The following KRT86 variants were observed in gnomAD, a reference collection of about 807,000 sequenced individuals.
KRT86 encodes keratin 86.
KRT86 carries 30 observed loss-of-function variants against 41.2 expected under a neutral mutation model. That is an observed-to-expected ratio of 0.73 (90% CI 0.54 to 0.99). The LOEUF is 0.99. KRT86 is among the 50% of genes least tolerant of loss of function. The pLI, the probability that KRT86 is intolerant of heterozygous loss-of-function variation, is 0.00. For synonymous variants in KRT86, 238 were observed against 238.1 expected, an observed-to-expected ratio of 1.00 and a Z score of 0.00; for missense variants, 561 against 571.4, an observed-to-expected ratio of 0.98 and a Z score of 0.19.
At position 52,302,841 on chromosome 12, in the gene KRT86, TG is replaced by T. The variant is rs71092757; in HGVS notation, c.370-249del. On this transcript the variant is annotated intron_variant, in intron 3 of 10. Coordinates refer to ENST00000423955, the MANE Select transcript of KRT86 (RefSeq NM_001320198.2). ...TCTGTTCATCTGCTTGGGTGGGGGG[TG>T]GGGGGGGGGTCACTCAACTCCCCAG... Among the ~76,000 whole-genome samples, 8,523 of 126,448 alleles carry T rather than the reference TG, an allele frequency of 0.067. 201 individuals carry two copies. The highest frequency in any genetic ancestry group is 0.31 in the East Asian group (1,273 of 4,084). 83.0% of individuals were successfully genotyped at this position (126,448 alleles called of 152,430 possible). A position where few individuals can be genotyped will look rare whatever the true frequency, so the allele number is the denominator to read the frequency against.
chr12:52,279,736 G>A (rs1020225309), intron 2 of KRT86, among the ~76,000 whole-genome samples: 1 of 152,130 alleles, frequency 6.6e-6, no homozygotes, highest in African/African-American at 2.4e-5. Flanking sequence ...TGGGGAGCCC[G>A]GAGTCCATGG....
At chr12:52,294,189 C>G (rs1298703737) in intron 2 of KRT86, among the ~76,000 whole-genome samples, 1 of 152,152 alleles carries the variant, frequency 6.6e-6, no homozygotes, top group Non-Finnish European at 1.5e-5. Context: ...AGTGATGTCC[C>G]CAGTAAACCA....
chr12:52,278,684 A>AG (rs1470792894), intron 2 of KRT86, among the ~76,000 whole-genome samples: 5 of 152,134 alleles, frequency 3.3e-5, no homozygotes, highest in African/African-American at 1.2e-4. Context: ...AAGGAGCATC[A>AG]GTAAGTAAAC....
intron 2 of KRT86, among the ~76,000 whole-genome samples, chr12:52,293,737 T>C (rs1257462292): frequency 6.6e-6 from 1 of 152,190 alleles, no homozygotes; most frequent in Non-Finnish European, 1.5e-5. Flanking sequence ...ATGTTCTACT[T>C]ACCCAGTGAA....
At chr12:52,306,961 A>G (rs1195687870) in intron 9 of KRT86, 2 of 155,032 alleles carry the variant, frequency 1.3e-5, no homozygotes, top group Non-Finnish European at 2.9e-5. Flanking sequence ...TCCTGCTCCC[A>G]GAAGGACAAC....
In KRT86 at chr12:52,286,473, C is replaced by T. The variant is rs772939014; in HGVS notation, c.-5+10527C>T. 33 of 1,552,310 alleles carry T rather than the reference C, an allele frequency of 2.1e-5. No individual in the cohort carries two copies. Among genetic ancestry groups the T allele is most frequent in the Non-Finnish European group, 2.3e-5 (26 of 1,147,784 alleles). The stretch of plus-strand genomic sequence containing the variant: ...ACGCAGAGGTCCCCGCACACGACCC[C>T]GCCCCGGGAGCTGCTGACACCTGTG... On this transcript the variant is annotated intron_variant, in intron 2 of 10. Transcript: ENST00000423955.
At chr12:52,275,563 T>A (rs1288276475) in intron 1 of KRT86, among the ~76,000 whole-genome samples, 1 of 152,242 alleles carries the variant, frequency 6.6e-6, no homozygotes, top group East Asian at 1.9e-4. Flanking sequence ...CCTCAACAGA[T>A]CACTGCCCTG....
chr12:52,279,953 T>G (rs1592415632), intron 2 of KRT86, among the ~76,000 whole-genome samples: 1 of 151,712 alleles, frequency 6.6e-6, no homozygotes, highest in East Asian at 1.9e-4. Context: ...GGTAGGGAGG[T>G]GGGCCATAGA....
chr12:52,299,250 T>C (rs900580272), intron 2 of KRT86, among the ~76,000 whole-genome samples: 29 of 152,348 alleles, frequency 1.9e-4, no homozygotes, highest in African/African-American at 7.0e-4. Context: ...GTCCTCCAGT[T>C]CCATCCATGT....
At chr12:52,291,542 C>G in intron 2 of KRT86, 1 of 1,577,024 alleles carries the variant, frequency 6.3e-7, no homozygotes, top group Non-Finnish European at 8.6e-7. Context: ...ATGTGCTCCT[C>G]AGGGCACCGC....
intron 2 of KRT86, among the ~76,000 whole-genome samples, chr12:52,296,443 C>T (rs1938253282): frequency 6.6e-6 from 1 of 152,136 alleles, no homozygotes; most frequent in African/African-American, 2.4e-5. Context: ...TGAACCCTCA[C>T]AGGGCAGGGA....
intron 2 of KRT86, chr12:52,285,871 C>T (rs187344718): frequency 1.2e-4 from 37 of 296,942 alleles, no homozygotes; most frequent in African/African-American, 7.1e-4. Flanking sequence ...TCCCTAACCC[C>T]GACCCCTGAG....
chr12:52,308,711 C>T lies in KRT86; in HGVS notation c.*126C>T. 1 of 905,922 alleles carries T rather than the reference C, an allele frequency of 1.1e-6. No homozygotes were observed. Among genetic ancestry groups the T allele is most frequent in the South Asian group, 1.6e-5 (1 of 62,510 alleles). The allele number at this position is 905,922 out of a possible 1,614,324, so 56.1% of individuals were successfully genotyped here. A position where few individuals can be genotyped will look rare whatever the true frequency, so the allele number is the denominator to read the frequency against. On this transcript the variant is annotated 3_prime_UTR_variant, in exon 11 of 11. Transcript: ENST00000423955. Reference sequence around the variant, plus strand: ...CCGCCCGCTGCCTGCACTCTAAGCGCCCTCCCCACCGCTCCGCTCCGGGAG... The same window carrying T: ...CCGCCCGCTGCCTGCACTCTAAGCGTCCTCCCCACCGCTCCGCTCCGGGAG...
At position 52,308,858 on chromosome 12, in the gene KRT86, T is replaced by TTC; in HGVS notation, c.*274_*275insCT. ...TCTTTTTCTTCCGCCTGCCTTCTGTTTTTTTTGCTGTATACATTGGTCTTG... is the reference window on the plus strand; with the variant it reads ...TCTTTTTCTTCCGCCTGCCTTCTGTTTCTTTTTTGCTGTATACATTGGTCTTG... On this transcript the variant is annotated 3_prime_UTR_variant, in exon 11 of 11. Transcript: ENST00000423955. The TTC allele has an allele frequency of 2.0e-6, 1 of 502,088 alleles. No homozygotes were observed. Among genetic ancestry groups the TTC allele is most frequent in the East Asian group, 3.6e-5 (1 of 27,646 alleles). The allele number at this position is 502,088 out of a possible 1,614,324, so 31.1% of individuals were successfully genotyped here. A position where few individuals can be genotyped will look rare whatever the true frequency, so the allele number is the denominator to read the frequency against.
At chr12:52,291,120 T>C in intron 2 of KRT86, 1 of 860,506 alleles carries the variant, frequency 1.2e-6, no homozygotes, top group Non-Finnish European at 1.7e-6. Flanking sequence ...GCCGCGAACC[T>C]GCTGTTGAGG....
At chr12:52,283,043 A>G (rs1937812542) in intron 2 of KRT86, among the ~76,000 whole-genome samples, 1 of 152,192 alleles carries the variant, frequency 6.6e-6, no homozygotes, top group Non-Finnish European at 1.5e-5. Flanking sequence ...GCACAGTTGC[A>G]TGAAACCTGG....
chr12:52,296,265 C>T (rs566640734), intron 2 of KRT86, among the ~76,000 whole-genome samples: 1 of 151,874 alleles, frequency 6.6e-6, no homozygotes, highest in Non-Finnish European at 1.5e-5. Flanking sequence ...AACTGGAGGA[C>T]AGTGGAGGAA....
intron 8 of KRT86, 112 bp downstream of exon 8, chr12:52,305,900 T>C (rs1335170721): frequency 6.3e-7 from 1 of 1,597,324 alleles, no homozygotes; most frequent in African/African-American, 1.3e-5. Flanking sequence ...CCTCTGTCCA[T>C]GTAGAGTCCC....
chr12:52,292,770 T>C (rs1938161633), intron 2 of KRT86, among the ~76,000 whole-genome samples: 1 of 152,226 alleles, frequency 6.6e-6, no homozygotes, highest in African/African-American at 2.4e-5. Flanking sequence ...TGGGACAGAA[T>C]ACTTCATAAA....
Sources: gnomAD v4.1 joint callset for allele counts (sites outside exome capture counted in the v4.1 genomes callset) on GRCh38, gnomAD v4.1.1 for gene constraint, MANE v1.5 for transcripts, NCBI Gene and HGNC (gene_info 2026-07-23, HGNC 2026-07-21) for gene names.